The following DMD variants were observed in gnomAD, a reference collection of about 807,000 sequenced individuals.
DMD encodes the protein dystrophin.
Under a neutral mutation model 330.1 loss-of-function variants are expected in DMD, and 63 were observed. The ratio of observed to expected loss-of-function variants is 0.19; its 90% CI spans 0.16 to 0.24. DMD has a LOEUF of 0.24. DMD is among the 10% of genes least tolerant of loss of function. The pLI, the probability that DMD is intolerant of heterozygous loss-of-function variation, is 1.00. For synonymous variants in DMD, 1,223 were observed against 959.8 expected (o/e 1.27, Z -5.07); for missense variants, 3,344 against 2,684.1 (o/e 1.25, Z -5.43).
At chrX:32,572,527 C>T (rs5972598) in intron 15 of DMD, among the ~76,000 whole-genome samples, 2,981 of 103,916 alleles carry the variant, frequency 0.029, 94 homozygotes, top group African/African-American at 0.094. Context: ...TGATAAAATT[C>T]ACAGAGTAAG....
chrX:31,231,785 A>C (rs1293592391), intron 63 of DMD, among the ~76,000 whole-genome samples: 2 of 112,000 alleles, frequency 1.8e-5, no homozygotes, highest in Admixed American at 9.4e-5. Flanking sequence ...TGGGAGGCTG[A>C]GGCAGGAGAA....
chrX:32,665,665 T>G (rs1234951395), intron 9 of DMD, among the ~76,000 whole-genome samples: 1 of 111,571 alleles, frequency 9.0e-6, no homozygotes, highest in African/African-American at 3.3e-5. Flanking sequence ...ATATATGTGC[T>G]CTCATAAGAA....
chrX:31,519,908 G>C (rs1215377655), intron 55 of DMD, among the ~76,000 whole-genome samples: 6 of 111,754 alleles, frequency 5.4e-5, no homozygotes, highest in African/African-American at 2.0e-4. Flanking sequence ...CTTTCTTCTG[G>C]AGAGTGTGAC....
intron 44 of DMD, among the ~76,000 whole-genome samples, chrX:32,120,135 C>T (rs752338900): frequency 1.8e-5 from 2 of 112,442 alleles, no homozygotes; most frequent in South Asian, 7.4e-4. Flanking sequence ...TGTCTGGATT[C>T]AGAAGAATCA....
intron 11 of DMD, among the ~76,000 whole-genome samples, chrX:32,618,561 A>G (rs2057759508): frequency 9.0e-6 from 1 of 111,256 alleles, no homozygotes; most frequent in Non-Finnish European, 1.9e-5. Flanking sequence ...ACTAATGAGT[A>G]CTAAGCTTAT....
At chrX:33,309,674 C>T (rs990669004) in intron 1 of DMD, among the ~76,000 whole-genome samples, 10 of 110,375 alleles carry the variant, frequency 9.1e-5, no homozygotes, top group African/African-American at 3.3e-4. Context: ...AAGATGCAAC[C>T]ATTTGCATAA....
At chrX:32,581,690 A>G (rs1301008446) in intron 13 of DMD, among the ~76,000 whole-genome samples, 1 of 111,846 alleles carries the variant, frequency 8.9e-6, no homozygotes, top group African/African-American at 3.2e-5. Context: ...CCCATTTGCA[A>G]ATTCCAGTTA....
At chrX:32,330,302 T>A (rs2097672802) in intron 41 of DMD, among the ~76,000 whole-genome samples, 1 of 112,089 alleles carries the variant, frequency 8.9e-6, no homozygotes, top group African/African-American at 3.2e-5. Context: ...AACTTGAAAA[T>A]ATTATAATCC....
intron 1 of DMD, among the ~76,000 whole-genome samples, chrX:33,039,783 T>C (rs1001421584): frequency 3.6e-5 from 4 of 111,459 alleles, no homozygotes; most frequent in Non-Finnish European, 5.6e-5. Flanking sequence ...CTTTCCATCA[T>C]AATCAAGTTC....
intron 48 of DMD, among the ~76,000 whole-genome samples, chrX:31,848,505 A>C (rs762321426): frequency 9.0e-6 from 1 of 111,467 alleles, no homozygotes; most frequent in African/African-American, 3.3e-5. Context: ...CATTTCTAAT[A>C]ACAGAACATT....
intron 61 of DMD, among the ~76,000 whole-genome samples, chrX:31,326,457 G>A (rs2056792169): frequency 9.1e-6 from 1 of 110,288 alleles, no homozygotes; most frequent in African/African-American, 3.3e-5. Flanking sequence ...GTCCAATGGT[G>A]AGATTCAGTG....
intron 60 of DMD, among the ~76,000 whole-genome samples, chrX:31,377,405 G>A (rs1300607449): frequency 8.9e-6 from 1 of 112,181 alleles, no homozygotes; most frequent in East Asian, 2.8e-4. Context: ...TTTAAGCCTA[G>A]GCCAAAGTGT....
intron 74 of DMD, among the ~76,000 whole-genome samples, chrX:31,165,836 G>A (rs930354400): frequency 9.0e-6 from 1 of 111,556 alleles, no homozygotes; most frequent in Non-Finnish European, 1.9e-5. Context: ...CTTATGGGAG[G>A]CACTATGGGA....
At chrX:32,063,004 C>T (rs928166008) in intron 44 of DMD, among the ~76,000 whole-genome samples, 13 of 110,847 alleles carry the variant, frequency 1.2e-4, no homozygotes, top group Admixed American at 9.6e-4. Flanking sequence ...TCTGACAAAG[C>T]TTGAGATAAT....
intron 44 of DMD, among the ~76,000 whole-genome samples, chrX:32,082,945 G>A (rs745898678): frequency 9.0e-6 from 1 of 111,621 alleles, no homozygotes; most frequent in Non-Finnish European, 1.9e-5. Flanking sequence ...ATTTAGGCGT[G>A]GGAGTCAATA....
chrX:32,849,485 A>G lies in DMD; in HGVS notation c.186+243T>C, dbSNP rs989355. Reference sequence around the variant, plus strand: ...CATTAAGATATTTGATAAGATAGATACCAAGTAGTAAAACTGAATAATATC... The same window carrying G: ...CATTAAGATATTTGATAAGATAGATGCCAAGTAGTAAAACTGAATAATATC... On this transcript the variant is annotated intron_variant, in intron 3 of 78. Transcript: ENST00000357033. 0.12 allele frequency among the ~76,000 whole-genome samples: 12,925 copies of G among 111,716 alleles called. 646 individuals are homozygous for G. The highest frequency in any genetic ancestry group is 0.23 in the Admixed American group (2,399 of 10,408).
At chrX:31,360,670 A>G (rs2058891260) in intron 60 of DMD, among the ~76,000 whole-genome samples, 1 of 112,142 alleles carries the variant, frequency 8.9e-6, no homozygotes, top group Admixed American at 9.4e-5. Context: ...AGATGGATAA[A>G]AATCAGAAGG....
rs1486937001 is a variant in DMD, at chrX:33,223,957, G to C, written c.7+115302C>G. Among the ~76,000 whole-genome samples, 4 of 112,253 alleles carry C rather than the reference G, an allele frequency of 3.6e-5. No homozygotes were observed. The Admixed American group carries it at 3.8e-4, about 11-fold the overall frequency. Reference sequence around the variant, plus strand: ...GATAACTCACCAAAGAAGATATACAGATGGAAAACAGGCGTATGAAAAGAC... The same window carrying C: ...GATAACTCACCAAAGAAGATATACACATGGAAAACAGGCGTATGAAAAGAC... On this transcript the variant is annotated intron_variant, in intron 1 of 17. Transcript: ENST00000288447.
chrX:33,091,588 A>G (rs984481751), intron 1 of DMD, among the ~76,000 whole-genome samples: 4 of 111,972 alleles, frequency 3.6e-5, no homozygotes, highest in African/African-American at 1.3e-4. Flanking sequence ...TTCCAGCTGG[A>G]CAAATAATGT....
Sources: gnomAD v4.1 joint callset for allele counts (sites outside exome capture counted in the v4.1 genomes callset) on GRCh38, gnomAD v4.1.1 for gene constraint, MANE v1.5 for transcripts, NCBI Gene and HGNC (gene_info 2026-07-23, HGNC 2026-07-21) for gene names.